Variants in KIAA0319 observed in about 807,000 individuals in gnomAD.
KIAA0319 encodes the protein dyslexia-associated protein KIAA0319.
KIAA0319 carries 83 observed loss-of-function variants against 108.4 expected under a neutral mutation model. The observed-to-expected ratio is 0.77, with a 90% confidence interval of 0.64 to 0.92. The LOEUF (loss-of-function observed/expected upper bound fraction) is 0.92. Ranked by LOEUF, KIAA0319 falls within the 40% of genes least tolerant of loss-of-function variation. The pLI is 0.00. For synonymous variants in KIAA0319, 484 were observed against 510.4 expected (o/e 0.95, Z 0.70); for missense variants, 1,195 against 1,322.4 (o/e 0.90, Z 1.49).
intron 20 of KIAA0319, 90 bp from the exon 21 acceptor site, chr6:24,547,433 C>T (rs1760792176): frequency 1.6e-5 from 17 of 1,082,100 alleles, no homozygotes; most frequent in East Asian, 2.6e-5. Flanking sequence ...GTGATGGGCA[C>T]GGAGTGGTGC....
intron 9 of KIAA0319, among the ~76,000 whole-genome samples, chr6:24,577,378 T>C (rs1765701469): frequency 6.6e-6 from 1 of 152,220 alleles, no homozygotes; most frequent in Non-Finnish European, 1.5e-5. Context: ...AGGATACTCC[T>C]TGCAAAGCAG....
intron 20 of KIAA0319, among the ~76,000 whole-genome samples, chr6:24,548,454 C>T (rs551394073): frequency 2.4e-4 from 37 of 152,270 alleles, no homozygotes; most frequent in Non-Finnish European, 3.8e-4. Context: ...CCTCTTTCCC[C>T]AGTGCGCAGG....
At position 24,601,092 on chromosome 6, in the gene KIAA0319, G is replaced by C. The variant is rs376133611; in HGVS notation, c.12C>G (p.Pro4=). 5.5e-5 allele frequency: 88 copies of C among 1,613,956 alleles called. No individual in the cohort carries two copies. The highest frequency in any genetic ancestry group is 7.2e-5 in the Non-Finnish European group (85 of 1,180,008). MAP[P]TGVLSSLLLL... is the part of the protein sequence containing the mutation. ...GCAGCAATGAAGAGAGCACACCTGTGGGGGGCGCCATTGTGCACCACACAG... is the reference window on the plus strand; with the variant it reads ...GCAGCAATGAAGAGAGCACACCTGTCGGGGGCGCCATTGTGCACCACACAG... The change falls in exon 2 of 21, where the codon CCC becomes CCG. Residue 4 remains proline, a synonymous_variant. Coordinates refer to ENST00000378214, the MANE Select transcript of KIAA0319 (RefSeq NM_014809.4).
chr6:24,575,589 A>G (rs887301805), intron 10 of KIAA0319, among the ~76,000 whole-genome samples: 2 of 152,166 alleles, frequency 1.3e-5, no homozygotes, highest in Non-Finnish European at 2.9e-5. Context: ...TTAACTCCTC[A>G]TAATTGCAAG....
At chr6:24,560,370 T>A (rs1175213127) in intron 16 of KIAA0319, among the ~76,000 whole-genome samples, 3 of 152,222 alleles carry the variant, frequency 2.0e-5, no homozygotes, top group African/African-American at 7.2e-5. Context: ...GCACTTGCTA[T>A]GGTCTGTCTT....
chr6:24,542,803 A>G (rs769756336), downstream of KIAA0319, among the ~76,000 whole-genome samples: 2 of 152,216 alleles, frequency 1.3e-5, no homozygotes, highest in Non-Finnish European at 2.9e-5. Context: ...ACCTTTGTTC[A>G]GTTTGGGAAC....
intron 3 of KIAA0319, among the ~76,000 whole-genome samples, chr6:24,594,574 C>T (rs1053482056): frequency 6.6e-6 from 1 of 151,414 alleles, no homozygotes. Context: ...TTGCAGTAAG[C>T]CGAGATCATG....
Position 24,599,892 on chromosome 6 carries a change from T to C in KIAA0319, c.55+1157A>G. 3.0e-6 allele frequency: 1 copy of C among 336,008 alleles called. No individual in the cohort carries two copies. The highest frequency in any genetic ancestry group is 4.1e-5 in the Admixed American group (1 of 24,684). 20.8% of individuals were successfully genotyped at this position (336,008 alleles called of 1,614,324 possible). A position where few individuals can be genotyped will look rare whatever the true frequency, so the allele number is the denominator to read the frequency against. ...GAGCATAGGGAACAGGAGACCCACC[T>C]GAGGCTCAGCGCTCGCCCTCAGCCG... On this transcript the variant is annotated intron_variant, in intron 2 of 20. Transcript: ENST00000378214. The surrounding 1 kb of genome is among the most constrained non-coding windows in gnomAD (Gnocchi z 4.1).
chr6:24,601,077 A>G lies in KIAA0319; in HGVS notation c.27T>C (p.Ser9=). MAPPTGVL[S]SLLLLVTIAG... is the part of the protein sequence containing the mutation. ...CAATTGTCACCAGCAGCAGCAATGA[A>G]GAGAGCACACCTGTGGGGGGCGCCA... Residue 9 remains serine (S), a synonymous_variant, in exon 2 of 21, where the codon TCT becomes TCC. Coordinates refer to ENST00000378214, the MANE Select transcript of KIAA0319 (RefSeq NM_014809.4). The G allele has an allele frequency of 6.2e-7, 1 of 1,614,148 alleles. No individual in the cohort carries two copies. The highest frequency in any genetic ancestry group is 8.5e-7 in the Non-Finnish European group (1 of 1,180,022).
chr6:24,607,936 G>GA (rs1469210878), intron 1 of KIAA0319, among the ~76,000 whole-genome samples: 2 of 151,934 alleles, frequency 1.3e-5, no homozygotes, highest in East Asian at 1.9e-4. Flanking sequence ...CAGCATACTA[G>GA]AAAAAAGATG....
At chr6:24,553,533 T>C (rs1390131959) in intron 19 of KIAA0319, among the ~76,000 whole-genome samples, 1 of 151,968 alleles carries the variant, frequency 6.6e-6, no homozygotes, top group Non-Finnish European at 1.5e-5. Context: ...CCTGCCTTTC[T>C]GTCTCGGAGC....
intron 11 of KIAA0319, 112 bp downstream of exon 11, chr6:24,572,463 G>T: frequency 1.6e-6 from 2 of 1,219,436 alleles, no homozygotes; most frequent in Non-Finnish European, 2.3e-6. Flanking sequence ...TTTATATGGA[G>T]CTTTGGCACC....
At chr6:24,589,188 T>G (rs1768041213) in intron 3 of KIAA0319, among the ~76,000 whole-genome samples, 1 of 152,092 alleles carries the variant, frequency 6.6e-6, no homozygotes, top group South Asian at 2.1e-4. Context: ...AGTAATTAGG[T>G]TATGAGGGTA....
chr6:24,630,702 TACAC>T (rs111288172), intron 1 of KIAA0319, among the ~76,000 whole-genome samples: 40 of 98,398 alleles, frequency 4.1e-4, no homozygotes, highest in African/African-American at 1.7e-3. Flanking sequence ...TATATATATA[TACAC>T]ATATACACAC....
Position 24,583,283 on chromosome 6 carries a change from A to G in KIAA0319, c.1093+321T>C, listed in dbSNP as rs11967803. 0.019 allele frequency: 19,061 copies of G among 993,520 alleles called. 1,434 individuals carry two copies. In the African/African-American group the frequency reaches 0.21, roughly 11 times the overall value. 61.5% of individuals were successfully genotyped at this position (993,520 alleles called of 1,614,324 possible). A position where few individuals can be genotyped will look rare whatever the true frequency, so the allele number is the denominator to read the frequency against. The stretch of plus-strand genomic sequence containing the variant: ...CCTCTCATCCCGGTGGAATCTTCCC[A>G]GGTTCTATGGGTTATTACAGTTCAA... On this transcript the variant is annotated intron_variant, in intron 5 of 20. Transcript: ENST00000378214.
intron 10 of KIAA0319, among the ~76,000 whole-genome samples, chr6:24,573,972 G>A (rs1381920870): frequency 2.0e-5 from 3 of 151,856 alleles, no homozygotes; most frequent in Non-Finnish European, 2.9e-5. Flanking sequence ...AAAATTATTC[G>A]GGCGTGGTGG....
intron 4 of KIAA0319, 83 bp downstream of exon 4, chr6:24,588,510 G>A (rs1744132207): frequency 1.7e-6 from 2 of 1,145,960 alleles, no homozygotes; most frequent in Admixed American, 1.8e-5. Context: ...TGGAGGGAAT[G>A]AGTAAACTTT....
chr6:24,606,452 A>T lies in KIAA0319; in HGVS notation c.-105-5244T>A, dbSNP rs566403511. 2.6e-5 allele frequency among the ~76,000 whole-genome samples: 4 copies of T among 152,224 alleles called. No homozygotes were observed. The East Asian group carries it at 5.8e-4, about 22-fold the overall frequency. The stretch of plus-strand genomic sequence containing the variant: ...TGTCAGAGAATGAATGAGATGTGGG[A>T]ATGAGGTGAGCCCAGAGATGGGGCC... On this transcript the variant is annotated intron_variant, in intron 1 of 20. Transcript: ENST00000378214.
At chr6:24,593,704 A>C (rs1028018357) in intron 3 of KIAA0319, among the ~76,000 whole-genome samples, 20 of 151,608 alleles carry the variant, frequency 1.3e-4, no homozygotes, top group African/African-American at 4.8e-4. Flanking sequence ...CCCGGCCCTG[A>C]ATAATTATCT....
Sources: gnomAD v4.1 joint callset for allele counts (sites outside exome capture counted in the v4.1 genomes callset) on GRCh38, gnomAD v4.1.1 for gene constraint, Gnocchi (gnomAD v3.1) non-coding constraint, MANE v1.5 for transcripts, NCBI Gene and HGNC (gene_info 2026-07-23, HGNC 2026-07-21) for gene names.